The following ERI3 variants were observed in gnomAD, a reference collection of about 807,000 sequenced individuals.
ERI3 encodes ERI1 exoribonuclease family member 3.
A neutral mutation model predicts 44.4 loss-of-function variants in ERI3; 18 were observed. The ratio of observed to expected loss-of-function variants is 0.41; its 90% CI spans 0.28 to 0.60. ERI3 has a LOEUF of 0.60. ERI3 is among the 20% of genes least tolerant of loss of function. The pLI, the probability that ERI3 is intolerant of heterozygous loss-of-function variation, is 0.36. For synonymous variants in ERI3, 183 were observed against 164.8 expected (o/e 1.11, Z -0.84); for missense variants, 294 against 435.5 (o/e 0.68, Z 2.89).
chr1:44,243,187 T>G (rs1456281093), intron 8 of ERI3, among the ~76,000 whole-genome samples: 1 of 152,194 alleles, frequency 6.6e-6, no homozygotes, highest in Non-Finnish European at 1.5e-5. Flanking sequence ...CAGTTCTGGG[T>G]AGCAAGCTCT....
intron 6 of ERI3, among the ~76,000 whole-genome samples, chr1:44,304,307 G>A (rs907272120): frequency 2.4e-4 from 37 of 152,142 alleles, no homozygotes; most frequent in African/African-American, 8.7e-4. Context: ...AAGTGTGAAT[G>A]TGTAGAATAA....
chr1:44,336,862 C>T (rs543503926), intron 3 of ERI3, among the ~76,000 whole-genome samples: 1 of 152,298 alleles, frequency 6.6e-6, no homozygotes, highest in Non-Finnish European at 1.5e-5. Context: ...TTCATTGATT[C>T]TGGAGATAAT....
At chr1:44,231,866 T>C (rs1465819861) in intron 8 of ERI3, among the ~76,000 whole-genome samples, 1 of 152,200 alleles carries the variant, frequency 6.6e-6, no homozygotes, top group Non-Finnish European at 1.5e-5. Context: ...ATTTCTTATC[T>C]CTTATGAAGA....
intron 6 of ERI3, among the ~76,000 whole-genome samples, chr1:44,301,992 T>G (rs558684196): frequency 2.6e-5 from 4 of 152,326 alleles, no homozygotes; most frequent in African/African-American, 9.6e-5. Context: ...CTTCAGAACC[T>G]GCCCTCTTTC....
chr1:44,278,914 T>C (rs1483636121), intron 7 of ERI3, among the ~76,000 whole-genome samples: 1 of 152,228 alleles, frequency 6.6e-6, no homozygotes, highest in Non-Finnish European at 1.5e-5. Flanking sequence ...AGAAAGTTTT[T>C]AATTTAAATT....
At chr1:44,227,987 A>G (rs1644085276) in intron 8 of ERI3, among the ~76,000 whole-genome samples, 1 of 152,196 alleles carries the variant, frequency 6.6e-6, no homozygotes, top group African/African-American at 2.4e-5. Context: ...TGTTATTCCA[A>G]TAACATCTAA....
chr1:44,340,519 A>G (rs573131163), intron 2 of ERI3, among the ~76,000 whole-genome samples: 2 of 152,310 alleles, frequency 1.3e-5, no homozygotes, highest in Non-Finnish European at 2.9e-5. Context: ...CACCCTGTGA[A>G]GTCCAGCGCG....
In ERI3 at chr1:44,339,231, C is replaced by G; in HGVS notation, c.303G>C (p.Val101=). 6.2e-7 allele frequency: 1 copy of G among 1,613,718 alleles called. No homozygotes were observed. The highest frequency in any genetic ancestry group is 1.1e-5 in the South Asian group (1 of 91,064). The change falls in exon 3 of 9, where the codon GTG becomes GTC. Residue 101 remains valine, a synonymous_variant. Coordinates refer to ENST00000372257, the MANE Select transcript of ERI3 (RefSeq NM_024066.3). ...SSYLLSRARK[V]LGSHLFSPCG... ...AGGGAGAAAATAAGTGGGAGCCCAG[C>G]ACTTTTCTTGCTCTTGAAAGTAAAT...
chr1:44,238,863 TAGCCCTGTC>T (rs1644368483), intron 8 of ERI3, among the ~76,000 whole-genome samples: 1 of 152,064 alleles, frequency 6.6e-6, no homozygotes, highest in African/African-American at 2.4e-5. Flanking sequence ...CCTGCTCACT[TAGCCCTGTC>T]AGCCAGGCCA....
intron 7 of ERI3, among the ~76,000 whole-genome samples, chr1:44,258,125 A>T (rs984326684): frequency 2.0e-5 from 3 of 152,202 alleles, no homozygotes; most frequent in Non-Finnish European, 4.4e-5. Flanking sequence ...CAAAGCTTTG[A>T]ACCTGGCATG....
chr1:44,221,471 C>A lies in ERI3; in HGVS notation c.*87G>T. The A allele has an allele frequency of 9.0e-7, 1 of 1,113,722 alleles. No homozygotes were observed. Among genetic ancestry groups the A allele is most frequent in the Non-Finnish European group, 1.4e-6 (1 of 735,692 alleles). 69.0% of individuals were successfully genotyped at this position (1,113,722 alleles called of 1,614,324 possible). A position where few individuals can be genotyped will look rare whatever the true frequency, so the allele number is the denominator to read the frequency against. On this transcript the variant is annotated 3_prime_UTR_variant, in exon 9 of 9. Coordinates refer to ENST00000372257, the MANE Select transcript of ERI3 (RefSeq NM_024066.3). This position sits in a 1 kb window ranked among gnomAD's most constrained non-coding sequence, Gnocchi z 5.9. The stretch of plus-strand genomic sequence containing the variant: ...ACTCTGGACACAGAGCTATGCCACT[C>A]TCCCTCTTCCCCTCTGGTGAGGGAG...
At chr1:44,307,920 C>T (rs762147911) in intron 6 of ERI3, among the ~76,000 whole-genome samples, 4 of 152,160 alleles carry the variant, frequency 2.6e-5, no homozygotes, top group Non-Finnish European at 5.9e-5. Flanking sequence ...ATAATAATGC[C>T]TACTTTATAT....
chr1:44,305,181 G>A (rs900879810), intron 6 of ERI3, among the ~76,000 whole-genome samples: 1 of 152,212 alleles, frequency 6.6e-6, no homozygotes, highest in African/African-American at 2.4e-5. Flanking sequence ...AAAGCCTCTA[G>A]TCTAGGTTCT....
At position 44,221,194 on chromosome 1, in the gene ERI3, C is replaced by G. The variant is rs941840442; in HGVS notation, c.*364G>C. 9.1e-6 allele frequency: 3 copies of G among 331,304 alleles called. No individual in the cohort carries two copies. Among genetic ancestry groups the G allele is most frequent in the African/African-American group, 2.1e-5 (1 of 46,924 alleles). The allele number at this position is 331,304 out of a possible 1,614,324, so 20.5% of individuals were successfully genotyped here. The stretch of plus-strand genomic sequence containing the variant: ...CCTGGAGCCCTGGGGGCACCACACA[C>G]CATGCACTATGGATGGGAGGGGGCA... On this transcript the variant is annotated 3_prime_UTR_variant, in exon 9 of 9. Coordinates refer to ENST00000372257, the MANE Select transcript of ERI3 (RefSeq NM_024066.3). The surrounding 1 kb of genome is among the most constrained non-coding windows in gnomAD (Gnocchi z 5.9).
intron 7 of ERI3, among the ~76,000 whole-genome samples, chr1:44,254,222 C>T (rs1247303082): frequency 6.6e-6 from 1 of 152,102 alleles, no homozygotes; most frequent in Non-Finnish European, 1.5e-5. Flanking sequence ...CTCTAATGAG[C>T]TTCTCCTCTA....
chr1:44,271,204 T>C (rs1317609137), intron 7 of ERI3, among the ~76,000 whole-genome samples: 3 of 152,286 alleles, frequency 2.0e-5, no homozygotes, highest in African/African-American at 7.2e-5. Context: ...ACATGCTCAC[T>C]CTCACTCCTC....
intron 8 of ERI3, among the ~76,000 whole-genome samples, chr1:44,247,165 C>T (rs111624433): frequency 2.2e-4 from 33 of 152,274 alleles, no homozygotes; most frequent in African/African-American, 7.7e-4. Context: ...GTTACACGCT[C>T]CCCAACAGAC....
intron 2 of ERI3, among the ~76,000 whole-genome samples, chr1:44,348,319 C>T (rs1376333109): frequency 6.6e-6 from 1 of 152,122 alleles, no homozygotes; most frequent in East Asian, 1.9e-4. Flanking sequence ...AATTTAGGGA[C>T]CAGTGTTTGG....
At chr1:44,334,051 C>G (rs1646483495) in intron 3 of ERI3, among the ~76,000 whole-genome samples, 1 of 152,228 alleles carries the variant, frequency 6.6e-6, no homozygotes, top group Admixed American at 6.5e-5. Flanking sequence ...GTCAGTAGGG[C>G]TGCTGCAGAG....
Sources: gnomAD v4.1 joint callset for allele counts (sites outside exome capture counted in the v4.1 genomes callset) on GRCh38, gnomAD v4.1.1 for gene constraint, Gnocchi (gnomAD v3.1) non-coding constraint, MANE v1.5 for transcripts, NCBI Gene and HGNC (gene_info 2026-07-23, HGNC 2026-07-21) for gene names.